Variants in PPP2R2B observed in about 807,000 individuals in gnomAD.
The protein encoded by PPP2R2B is protein phosphatase 2 regulatory subunit Bbeta.
In PPP2R2B, 5 loss-of-function variants were observed where a neutral mutation model predicts 46.0. That is an observed-to-expected ratio of 0.11 (90% CI 0.06 to 0.23). PPP2R2B has a LOEUF of 0.23. PPP2R2B is among the 10% of genes least tolerant of loss of function. PPP2R2B has a pLI of 1.00. For missense variants in PPP2R2B, 367 were observed against 575.0 expected (o/e 0.64, Z 3.70); for synonymous variants, 215 against 206.7 (o/e 1.04, Z -0.34).
rs1206884208 is a variant in PPP2R2B at position 146,584,453 on chromosome 5, A to G, written c.*5494T>C. On this transcript the variant is annotated 3_prime_UTR_variant, in exon 10 of 10. Transcript: ENST00000394411. ...GTTTGTGAGTATCCACGCTAGGGAA[A>G]ATAATCAAGCCAAGGTAACTCTGCA... is the stretch of plus-strand genomic sequence containing the variant. 6.6e-6 allele frequency: 1 copy of G among 152,226 alleles called. No homozygotes were observed. Among genetic ancestry groups the G allele is most frequent in the Non-Finnish European group, 1.5e-5 (1 of 68,046 alleles). 9.4% of individuals were successfully genotyped at this position (152,226 alleles called of 1,614,324 possible).
intron 1 of PPP2R2B, among the ~76,000 whole-genome samples, chr5:146,929,517 C>T (rs899619720): frequency 6.6e-6 from 1 of 151,466 alleles, no homozygotes; most frequent in Non-Finnish European, 1.5e-5. Context: ...AAGAAGAGTC[C>T]ATGGCAAAAA....
At chr5:146,805,213 A>G (rs941934165) in intron 2 of PPP2R2B, among the ~76,000 whole-genome samples, 1 of 152,178 alleles carries the variant, frequency 6.6e-6, no homozygotes, top group Admixed American at 6.5e-5. Context: ...CACAGAAACC[A>G]TTTGGGGACC....
At chr5:146,834,166 G>A (rs1301469531) in intron 2 of PPP2R2B, among the ~76,000 whole-genome samples, 1 of 152,124 alleles carries the variant, frequency 6.6e-6, no homozygotes, top group Non-Finnish European at 1.5e-5. Flanking sequence ...ATAGTAACAT[G>A]TATTGAGGGC....
intron 1 of PPP2R2B, among the ~76,000 whole-genome samples, chr5:146,990,914 T>C (rs1261562409): frequency 6.6e-6 from 1 of 151,906 alleles, no homozygotes; most frequent in Non-Finnish European, 1.5e-5. Flanking sequence ...GCAAAAAACA[T>C]GAATAGACAT....
intron 1 of PPP2R2B, among the ~76,000 whole-genome samples, chr5:146,904,545 C>A (rs1010446806): frequency 7.9e-5 from 12 of 152,134 alleles, no homozygotes; most frequent in Admixed American, 3.3e-4. Flanking sequence ...TAAAGTATAG[C>A]CCAGAGAGGT....
intron 2 of PPP2R2B, among the ~76,000 whole-genome samples, chr5:147,076,138 G>C (rs1292331311): frequency 6.6e-6 from 1 of 152,010 alleles, no homozygotes; most frequent in African/African-American, 2.4e-5. Flanking sequence ...GCGTTTCCTG[G>C]ATAAATGTAA....
At chr5:146,621,704 C>T (rs1773712340) in intron 7 of PPP2R2B, among the ~76,000 whole-genome samples, 1 of 152,196 alleles carries the variant, frequency 6.6e-6, no homozygotes, top group Admixed American at 6.5e-5. Flanking sequence ...TCCAGACATG[C>T]CATTAACACG....
chr5:146,692,795 A>G (rs539704016), intron 4 of PPP2R2B, among the ~76,000 whole-genome samples: 1 of 152,186 alleles, frequency 6.6e-6, no homozygotes, highest in East Asian at 1.9e-4. Flanking sequence ...CGGTCTCCCA[A>G]AGTGCTGGGA....
intron 4 of PPP2R2B, among the ~76,000 whole-genome samples, chr5:146,696,797 T>A (rs1779204982): frequency 1.3e-5 from 2 of 152,210 alleles, no homozygotes. Flanking sequence ...GTCATTTTTT[T>A]AGACTTCTAT....
intron 8 of PPP2R2B, 39 bp from the exon 9 acceptor site, chr5:146,593,101 T>TAAAC: frequency 2.0e-6 from 3 of 1,493,698 alleles, no homozygotes; most frequent in Non-Finnish European, 2.8e-6. Context: ...GTTATTATTT[T>TAAAC]AAACAGTAAT....
intron 7 of PPP2R2B, among the ~76,000 whole-genome samples, chr5:146,635,219 G>A (rs1774728547): frequency 6.6e-6 from 1 of 151,642 alleles, no homozygotes; most frequent in African/African-American, 2.4e-5. Flanking sequence ...TGCAGGTACT[G>A]AGTATCAGAG....
intron 1 of PPP2R2B, among the ~76,000 whole-genome samples, chr5:146,896,631 GATAA>G (rs942240332): frequency 3.3e-5 from 5 of 151,918 alleles, no homozygotes; most frequent in African/African-American, 1.2e-4. Flanking sequence ...CTTACAAAAT[GATAA>G]ATAAACCCGT....
At chr5:146,806,090 G>T (rs2151311573) in intron 2 of PPP2R2B, among the ~76,000 whole-genome samples, 1 of 152,286 alleles carries the variant, frequency 6.6e-6, no homozygotes, top group East Asian at 1.9e-4. Context: ...GAATTTGGTG[G>T]ATGACAAAAT....
chr5:146,953,639 A>G (rs1181554290), intron 1 of PPP2R2B, among the ~76,000 whole-genome samples: 1 of 152,204 alleles, frequency 6.6e-6, no homozygotes, highest in African/African-American at 2.4e-5. Flanking sequence ...TGAAGAAGTT[A>G]ATATGGCAAA....
intron 2 of PPP2R2B, among the ~76,000 whole-genome samples, chr5:146,785,238 A>T (rs1460305980): frequency 6.6e-6 from 1 of 152,122 alleles, no homozygotes; most frequent in South Asian, 2.1e-4. Context: ...CTCATCTGAC[A>T]CAGTGGGAAG....
In PPP2R2B at chr5:146,844,119, C is replaced by T. The variant is rs948559323; in HGVS notation, c.70+33883G>A. ...ATCGCAAGAACAAAAAACCAAACAC[C>T]GCATATTCTCACTCATAGGTGGGAA... is the stretch of plus-strand genomic sequence containing the variant. On this transcript the variant is annotated intron_variant, in intron 2 of 9. Transcript: ENST00000394411. Among the ~76,000 whole-genome samples, 6 of 147,876 alleles carry T rather than the reference C, an allele frequency of 4.1e-5. No individual in the cohort carries two copies. The East Asian group carries it at 8.0e-4, about 20-fold the overall frequency.
At chr5:146,943,268 G>C (rs144029648) in intron 1 of PPP2R2B, among the ~76,000 whole-genome samples, 8 of 152,124 alleles carry the variant, frequency 5.3e-5, no homozygotes, top group Non-Finnish European at 7.3e-5. Context: ...GAATGTGAAT[G>C]GGAAATTTAG....
intron 2 of PPP2R2B, among the ~76,000 whole-genome samples, chr5:146,868,042 T>C (rs1217576266): frequency 3.3e-5 from 5 of 152,218 alleles, no homozygotes. Flanking sequence ...ACCTCATTGA[T>C]TGGCACTTGC....
chr5:146,942,631 C>G (rs1251959514), intron 1 of PPP2R2B, among the ~76,000 whole-genome samples: 1 of 152,134 alleles, frequency 6.6e-6, no homozygotes, highest in Non-Finnish European at 1.5e-5. Context: ...TCCATTCCCA[C>G]CAATAATGCA....
Sources: allele counts gnomAD v4.1 joint callset (sites outside exome capture counted in the v4.1 genomes callset), GRCh38; gene constraint gnomAD v4.1.1; transcripts MANE v1.5; gene names NCBI Gene and HGNC (gene_info 2026-07-23, HGNC 2026-07-21).